Variants in NKIRAS1 observed in about 807,000 individuals in gnomAD.
The protein encoded by NKIRAS1 is NF-kappa-B inhibitor-interacting Ras-like protein 1.
NKIRAS1 carries 16 observed loss-of-function variants against 19.8 expected under a neutral mutation model. The observed-to-expected ratio is 0.81, with a 90% CI of 0.55 to 1.23. NKIRAS1 has a LOEUF of 1.23. Ranked by LOEUF, NKIRAS1 falls within the 50% of genes most tolerant of loss-of-function variation. The pLI is 0.00. For missense variants in NKIRAS1, 184 were observed against 220.0 expected (o/e 0.84, Z 1.04); for synonymous variants, 88 against 79.0 (o/e 1.11, Z -0.61).
Position 23,890,954 on chromosome 3 carries a change from C to G in NKIRAS1, c.*2141G>C, listed in dbSNP as rs1315982018. The G allele has an allele frequency of 1.2e-5, 2 of 166,010 alleles. No homozygotes were observed. The highest frequency in any genetic ancestry group is 1.7e-4 in the East Asian group (1 of 6,014). 10.3% of individuals were successfully genotyped at this position (166,010 alleles called of 1,614,324 possible). A position where few individuals can be genotyped will look rare whatever the true frequency, so the allele number is the denominator to read the frequency against. ...ACATATGGCCATTTATGTAAAGTCC[C>G]TCTAAGACTACATACTTTTTGTTTA... On this transcript the variant is annotated 3_prime_UTR_variant, in exon 5 of 5. Transcript: ENST00000425478.
chr3:23,919,511 A>G, upstream of NKIRAS1: 1 of 1,552,766 alleles, frequency 6.4e-7, no homozygotes, highest in Non-Finnish European at 8.7e-7. Flanking sequence ...ATATAAGTAA[A>G]GTTTGTAAAA....
At chr3:23,946,343 A>G in exon 1 of NKIRAS1, 3 of 972,286 alleles carry the variant, frequency 3.1e-6, no homozygotes, top group Non-Finnish European at 3.7e-6. Flanking sequence ...CCGAGGAGGA[A>G]GTGCAGGACG....
intron 1 of NKIRAS1, among the ~76,000 whole-genome samples, chr3:23,936,061 C>T (rs10084748): frequency 0.16 from 18,591 of 119,222 alleles, 1,847 homozygotes; most frequent in African/African-American, 0.31. Context: ...CTAGCCTGGG[C>T]GACAGAAAGG....
At chr3:23,929,043 A>G (rs886837775) in intron 1 of NKIRAS1, among the ~76,000 whole-genome samples, 2 of 151,734 alleles carry the variant, frequency 1.3e-5, no homozygotes, top group African/African-American at 4.8e-5. Flanking sequence ...ATATATTTAA[A>G]ACAAAAATTA....
At position 23,890,403 on chromosome 3, in the gene NKIRAS1, G is replaced by T. The variant is rs1701370141; in HGVS notation, c.*2692C>A. The T allele has an allele frequency of 8.9e-6, 9 of 1,010,018 alleles. No individual in the cohort carries two copies. The East Asian group carries it at 1.6e-4, about 18-fold the overall frequency. The allele number at this position is 1,010,018 out of a possible 1,614,324, so 62.6% of individuals were successfully genotyped here. A position where few individuals can be genotyped will look rare whatever the true frequency, so the allele number is the denominator to read the frequency against. ...GGAGTGGTGTTTCGAAGATGGGTTT[G>T]ATCACACATACTTTGTCGTACGTAT... On this transcript the variant is annotated 3_prime_UTR_variant, in exon 5 of 5. Transcript: ENST00000425478.
At position 23,911,043 on chromosome 3, in the gene NKIRAS1, G is replaced by A. The variant is rs1221754466; in HGVS notation, c.-17-122C>T. On this transcript the variant is annotated intron_variant, in intron 2 of 4. Transcript: ENST00000425478. ...AGGGGAAATTTTCAAATACAGAAAA[G>A]GAGATATAGAATAAGGTATAGCCTT... 4.1e-6 allele frequency: 3 copies of A among 724,694 alleles called. No homozygotes were observed. The East Asian group carries it at 8.1e-5, about 20-fold the overall frequency. 44.9% of individuals were successfully genotyped at this position (724,694 alleles called of 1,614,324 possible).
Position 23,928,129 on chromosome 3 carries a change from T to C in NKIRAS1, c.-139-16679A>G, listed in dbSNP as rs201598974. Among the ~76,000 whole-genome samples the C allele has an allele frequency of 3.1e-3, 328 of 104,984 alleles. 1 individual carries two copies. Among genetic ancestry groups the C allele is most frequent in the African/African-American group, 0.012 (288 of 23,064 alleles). The allele number at this position is 104,984 out of a possible 152,430, so 68.9% of individuals were successfully genotyped here. A position where few individuals can be genotyped will look rare whatever the true frequency, so the allele number is the denominator to read the frequency against. ...ACACACACACACACACACACACACATACACACACACACAGTTCATCTGAGC... is the reference window on the plus strand; with the variant it reads ...ACACACACACACACACACACACACACACACACACACACAGTTCATCTGAGC... On this transcript the variant is annotated intron_variant, in intron 1 of 4. Transcript: ENST00000421515.
chr3:23,898,802 C>T (rs764752071), intron 4 of NKIRAS1, among the ~76,000 whole-genome samples: 3 of 152,068 alleles, frequency 2.0e-5, no homozygotes, highest in Non-Finnish European at 4.4e-5. Flanking sequence ...TGGTACCAGT[C>T]CAGGGCCTGT....
chr3:23,920,194 C>T (rs1704994936), upstream of NKIRAS1: 1 of 985,816 alleles, frequency 1.0e-6, no homozygotes, highest in Non-Finnish European at 1.2e-6. Context: ...CAAGTGTGAG[C>T]TTAGACGTCA....
At chr3:23,912,023 C>T (rs1703793932) in intron 1 of NKIRAS1, among the ~76,000 whole-genome samples, 2 of 151,520 alleles carry the variant, frequency 1.3e-5, no homozygotes, top group Admixed American at 6.6e-5. Flanking sequence ...CTTGGCCTCC[C>T]AAAGTGCTAC....
At chr3:23,946,551 G>T (rs1000951233) in exon 1 of NKIRAS1, 3 of 152,556 alleles carry the variant, frequency 2.0e-5, no homozygotes, top group Non-Finnish European at 4.4e-5. Flanking sequence ...TACACACACA[G>T]TCTTAAAAAC....
chr3:23,932,399 T>C (rs1348688860), intron 1 of NKIRAS1, among the ~76,000 whole-genome samples: 1 of 152,216 alleles, frequency 6.6e-6, no homozygotes, highest in Non-Finnish European at 1.5e-5. Context: ...GGACTGTTTA[T>C]TATTGTTTGC....
rs1202722923 is a variant in NKIRAS1, at chr3:23,945,479, C to G, written c.-140+844G>C. 10 of 719,346 alleles carry G rather than the reference C, an allele frequency of 1.4e-5. No homozygotes were observed. In the African/African-American group the frequency reaches 1.9e-4, roughly 14 times the overall value. 44.6% of individuals were successfully genotyped at this position (719,346 alleles called of 1,614,324 possible). On this transcript the variant is annotated intron_variant, in intron 1 of 4. Coordinates refer to the NKIRAS1 transcript ENST00000421515. ...GCCCATGAGGGGGCCCCGCGACCAC[C>G]GCTGCTTCCAGCCCGGGGCGGCGCG...
intron 1 of NKIRAS1, among the ~76,000 whole-genome samples, chr3:23,925,903 G>C (rs1008891950): frequency 3.3e-5 from 5 of 152,034 alleles, no homozygotes; most frequent in African/African-American, 1.2e-4. Context: ...AATTTAAATA[G>C]GATTTAAAAG....
intron 1 of NKIRAS1, among the ~76,000 whole-genome samples, chr3:23,940,168 CAAAAAA>C: frequency 1.4e-5 from 1 of 71,758 alleles, no homozygotes; most frequent in African/African-American, 5.0e-5. Flanking sequence ...CCATCTCTAC[CAAAAAA>C]AAAAAAAAAA....
intron 1 of NKIRAS1, among the ~76,000 whole-genome samples, chr3:23,937,646 A>G (rs1187940576): frequency 6.6e-6 from 1 of 151,830 alleles, no homozygotes; most frequent in African/African-American, 2.4e-5. Flanking sequence ...CATTTCATAT[A>G]GCATTTTTTA....
At chr3:23,937,951 A>G (rs1373987105) in intron 1 of NKIRAS1, among the ~76,000 whole-genome samples, 1 of 152,200 alleles carries the variant, frequency 6.6e-6, no homozygotes, top group Non-Finnish European at 1.5e-5. Flanking sequence ...ATTAGATATT[A>G]TTAAGACAAT....
At chr3:23,904,675 A>G (rs1474126189) in intron 3 of NKIRAS1, among the ~76,000 whole-genome samples, 2 of 152,190 alleles carry the variant, frequency 1.3e-5, no homozygotes, top group Non-Finnish European at 1.5e-5. Context: ...GTTTCCACAG[A>G]CAAAGCATCA....
At position 23,927,339 on chromosome 3, in the gene NKIRAS1, G is replaced by T. The variant is rs941273568; in HGVS notation, c.-139-15889C>A. Among the ~76,000 whole-genome samples, 1 of 152,048 alleles carries T rather than the reference G, an allele frequency of 6.6e-6. No individual in the cohort carries two copies. Among genetic ancestry groups the T allele is most frequent in the African/African-American group, 2.4e-5 (1 of 41,400 alleles). The stretch of plus-strand genomic sequence containing the variant: ...GTTCGAGACCAGTCCAGTCAACATA[G>T]TGAGGCCCCCATCTCTATATTTCTT... On this transcript the variant is annotated intron_variant, in intron 1 of 4. Transcript: ENST00000421515. The surrounding 1 kb of genome is among the most constrained non-coding windows in gnomAD (Gnocchi z 4.0).
Sources: gnomAD v4.1 joint callset for allele counts (sites outside exome capture counted in the v4.1 genomes callset) on GRCh38, gnomAD v4.1.1 for gene constraint, Gnocchi (gnomAD v3.1) non-coding constraint, MANE v1.5 for transcripts, NCBI Gene and HGNC (gene_info 2026-07-23, HGNC 2026-07-21) for gene names.